TTC39C: variants seen among roughly 807,000 people sequenced by gnomAD.
TTC39C encodes tetratricopeptide repeat protein 39C.
In TTC39C, 33 loss-of-function variants were observed where a neutral mutation model predicts 76.3. The ratio of observed to expected loss-of-function variants is 0.43; its 90% CI spans 0.33 to 0.58. The LOEUF (loss-of-function observed/expected upper bound fraction) is 0.58. Ranked by LOEUF, TTC39C falls within the 20% of genes least tolerant of loss-of-function variation. TTC39C has a pLI of 0.04. For synonymous variants in TTC39C, 254 were observed against 260.6 expected (o/e 0.97, Z 0.24); for missense variants, 595 against 701.4 (o/e 0.85, Z 1.71).
chr18:24,044,116 G>A (rs369056186), intron 1 of TTC39C, among the ~76,000 whole-genome samples: 5 of 151,458 alleles, frequency 3.3e-5, no homozygotes, highest in Middle Eastern at 3.5e-3. Context: ...TGTTAGAGCC[G>A]TAGTGCAAAC....
At chr18:24,098,400 C>CCTTCCTTCCTT (rs2084619398) in intron 6 of TTC39C, among the ~76,000 whole-genome samples, 4 of 122,982 alleles carry the variant, frequency 3.3e-5, no homozygotes, top group African/African-American at 6.3e-5. Flanking sequence ...CTCCCTCCCT[C>CCTTCCTTCCTT]CCTCCCTCCC....
At chr18:24,123,777 C>A in intron 8 of TTC39C, 57 bp from the exon 9 acceptor site, 2 of 1,267,810 alleles carry the variant, frequency 1.6e-6, no homozygotes, top group Non-Finnish European at 2.2e-6. Flanking sequence ...CTTCAGGTAT[C>A]CCTTATGGCA....
At chr18:23,996,245 T>A (rs561162040) in intron 1 of TTC39C, among the ~76,000 whole-genome samples, 2 of 152,376 alleles carry the variant, frequency 1.3e-5, no homozygotes, top group African/African-American at 4.8e-5. Context: ...TTGCCCATTT[T>A]CTAATTGGAT....
chr18:24,025,839 G>T (rs1007939879), intron 1 of TTC39C, among the ~76,000 whole-genome samples: 1 of 152,184 alleles, frequency 6.6e-6, no homozygotes, highest in African/African-American at 2.4e-5. Context: ...ACAAAGTGGG[G>T]CTGTAGGAAG....
chr18:23,995,169 G>A (rs1447121137), intron 1 of TTC39C, among the ~76,000 whole-genome samples: 1 of 152,076 alleles, frequency 6.6e-6, no homozygotes, highest in Non-Finnish European at 1.5e-5. Context: ...TTTCAAGACT[G>A]TTAAATAAAT....
rs199644336 is a variant in TTC39C, at chr18:23,994,913, AT to A, written c.-17+1876del. ...ATCTTTTCCTTTTTTTTAAAAAAAA[AT>A]AATAATAATTATAATCCACAAGATT... On this transcript the variant is annotated intron_variant, in intron 1 of 13. Coordinates refer to the TTC39C transcript ENST00000304621. 1.7e-3 allele frequency among the ~76,000 whole-genome samples: 261 copies of A among 151,876 alleles called. 1 individual carries two copies. Among genetic ancestry groups the A allele is most frequent in the African/African-American group, 4.9e-3 (201 of 41,414 alleles).
At chr18:24,031,387 C>G (rs1457725877) in intron 1 of TTC39C, among the ~76,000 whole-genome samples, 14 of 152,124 alleles carry the variant, frequency 9.2e-5, no homozygotes, top group Non-Finnish European at 2.1e-4. Flanking sequence ...CCAAAAGAAC[C>G]CTGTTTTTAT....
intron 1 of TTC39C, among the ~76,000 whole-genome samples, chr18:23,997,993 T>C (rs2083283132): frequency 1.3e-5 from 2 of 152,160 alleles, no homozygotes; most frequent in African/African-American, 4.8e-5. Flanking sequence ...AGGGGCAGGA[T>C]AGTGTGTTTT....
chr18:24,134,257 G>GTTGTTTTTTTTT lies in TTC39C; in HGVS notation c.*1685_*1686insGTTTTTTTTTTT, dbSNP rs1555779358. On this transcript the variant is annotated 3_prime_UTR_variant, in exon 14 of 14. Transcript: ENST00000317571. Reference sequence around the variant, plus strand: ...TGGTGCCCAAAAATATTGGACATCTGTTTTTTGTTTTTTTTTTTTTTTTTT... The same window carrying GTTGTTTTTTTTT: ...TGGTGCCCAAAAATATTGGACATCTGTTGTTTTTTTTTTTTTTTGTTTTTTTTTTTTTTTTTT... 43 of 48,718 alleles carry GTTGTTTTTTTTT rather than the reference G, an allele frequency of 8.8e-4. 10 individuals are homozygous for GTTGTTTTTTTTT. Among genetic ancestry groups the GTTGTTTTTTTTT allele is most frequent in the African/African-American group, 2.1e-3 (35 of 16,740 alleles). The allele number at this position is 48,718 out of a possible 1,614,324, so 3.0% of individuals were successfully genotyped here. A position where few individuals can be genotyped will look rare whatever the true frequency, so the allele number is the denominator to read the frequency against.
At chr18:24,031,835 T>A (rs2083675160) in intron 1 of TTC39C, among the ~76,000 whole-genome samples, 1 of 152,216 alleles carries the variant, frequency 6.6e-6, no homozygotes, top group Non-Finnish European at 1.5e-5. Flanking sequence ...AATCTCTCAG[T>A]GCTACCTTGT....
chr18:24,062,676 CTG>C (rs1371988534), intron 1 of TTC39C, among the ~76,000 whole-genome samples: 1 of 152,060 alleles, frequency 6.6e-6, no homozygotes, highest in African/African-American at 2.4e-5. Flanking sequence ...CTATTATTAA[CTG>C]TAGAATTTAG....
intron 1 of TTC39C, among the ~76,000 whole-genome samples, chr18:24,033,006 A>T (rs1261976466): frequency 6.6e-6 from 1 of 152,250 alleles, no homozygotes; most frequent in African/African-American, 2.4e-5. Flanking sequence ...TATTCCCAGC[A>T]CGTTGGAAGG....
intron 6 of TTC39C, among the ~76,000 whole-genome samples, chr18:24,096,410 C>A (rs998364853): frequency 6.6e-6 from 1 of 152,200 alleles, no homozygotes; most frequent in Non-Finnish European, 1.5e-5. Flanking sequence ...ATCGTAGGAA[C>A]TTTGAACATT....
chr18:24,081,904 TAGTGTC>T (rs945097663), intron 5 of TTC39C, among the ~76,000 whole-genome samples: 4 of 152,136 alleles, frequency 2.6e-5, no homozygotes, highest in African/African-American at 9.7e-5. Context: ...ATAGAATTAA[TAGTGTC>T]ATTAGTATGA....
In TTC39C at chr18:24,130,423, A is replaced by T. The variant is rs765645622; in HGVS notation, c.1623+6A>T. The T allele has an allele frequency of 1.6e-6, 2 of 1,250,494 alleles. No homozygotes were observed. The highest frequency in any genetic ancestry group is 3.1e-5 in the African/African-American group (2 of 64,190). 77.5% of individuals were successfully genotyped at this position (1,250,494 alleles called of 1,614,324 possible). A position where few individuals can be genotyped will look rare whatever the true frequency, so the allele number is the denominator to read the frequency against. ...TTCTATTAGACAAACCAGAGGTAAGATCTTATATATATAATATAATATATA... is the reference window on the plus strand; with the variant it reads ...TTCTATTAGACAAACCAGAGGTAAGTTCTTATATATATAATATAATATATA... On this transcript the variant is annotated splice_donor_region_variant and intron_variant, in intron 12 of 13. Transcript: ENST00000317571.
intron 6 of TTC39C, among the ~76,000 whole-genome samples, chr18:24,090,213 A>T (rs560205707): frequency 2.6e-5 from 4 of 152,302 alleles, no homozygotes; most frequent in Non-Finnish European, 5.9e-5. Flanking sequence ...ACTGCAATAA[A>T]TATTTCAGTA....
intron 6 of TTC39C, among the ~76,000 whole-genome samples, chr18:24,096,748 CT>C (rs1007034666): frequency 3.3e-5 from 5 of 151,958 alleles, no homozygotes; most frequent in African/African-American, 4.8e-5. Context: ...TATTATATAG[CT>C]TTGATAATTG....
Position 24,118,247 on chromosome 18 carries a change from G to A in TTC39C, c.1186+15G>A. 6.3e-7 allele frequency: 1 copy of A among 1,594,124 alleles called. No homozygotes were observed. The highest frequency in any genetic ancestry group is 1.1e-5 in the South Asian group (1 of 89,844). ...CTTGACTGCAGGTGAGTCGCCCATG[G>A]TCCCTCAGTGTGCCTCTCTCTGTCG... On this transcript the variant is annotated intron_variant, in intron 8 of 13. Coordinates refer to ENST00000317571, the MANE Select transcript of TTC39C (RefSeq NM_001135993.2).
intron 6 of TTC39C, among the ~76,000 whole-genome samples, chr18:24,092,111 A>ATAAT (rs1191338935): frequency 6.1e-5 from 8 of 132,098 alleles, no homozygotes; most frequent in East Asian, 4.2e-4. Context: ...AAAAAAAAAA[A>ATAAT]AAAAAAAAAA....
Sources: gnomAD v4.1 joint callset for allele counts (sites outside exome capture counted in the v4.1 genomes callset) on GRCh38, gnomAD v4.1.1 for gene constraint, MANE v1.5 for transcripts, NCBI Gene and HGNC (gene_info 2026-07-23, HGNC 2026-07-21) for gene names.